The following MTMR8 variants were observed in gnomAD, a reference collection of about 807,000 sequenced individuals.
The protein encoded by MTMR8 is phosphatidylinositol-3,5-bisphosphate 3-phosphatase MTMR8.
MTMR8 carries 65 observed loss-of-function variants against 39.3 expected under a neutral mutation model. That is an observed-to-expected ratio of 1.65 (90% CI 1.35 to 2.03). The LOEUF is 2.03. Among genes scored for constraint, MTMR8 ranks in the 30% most tolerant of loss-of-function variants. MTMR8 has a pLI of 0.00. For synonymous variants in MTMR8, 245 were observed against 185.2 expected (o/e 1.32, Z -2.62); for missense variants, 777 against 538.9 (o/e 1.44, Z -4.37).
At position 64,343,640 on chromosome X, in the gene MTMR8, T is replaced by G. The variant is rs1321711366; in HGVS notation, c.946A>C (p.Ile316Leu). ...GTAATGAAAATTCCAGCATCCATAA[T>G]AGCTTTAATGTGTCTTAACCACCCT... ...SSGWLRHIKA[I>L]MDAGIFITKA... The change falls in exon 8 of 14, where the codon ATT (isoleucine) becomes CTT (leucine). Residue 316 changes from isoleucine to leucine, a missense_variant. Transcript: ENST00000374852. 2.5e-6 allele frequency: 3 copies of G among 1,204,460 alleles called. No individual in the cohort carries two copies. The South Asian group carries it at 5.3e-5, about 21-fold the overall frequency.
At chrX:64,337,434 T>G (rs1923108371) in intron 8 of MTMR8, 41 bp from the exon 9 acceptor site, 31 of 1,189,913 alleles carry the variant, frequency 2.6e-5, no homozygotes, top group Non-Finnish European at 3.4e-5. Flanking sequence ...AAGCAACCTT[T>G]GCACAGCTTG....
chrX:64,298,711 G>A (rs1301307018), intron 12 of MTMR8, among the ~76,000 whole-genome samples: 1 of 84,339 alleles, frequency 1.2e-5, no homozygotes, highest in East Asian at 3.2e-4. Context: ...TATTGGCTGT[G>A]GGTTTGTCAT....
At chrX:64,292,618 A>G (rs903569881) in intron 12 of MTMR8, among the ~76,000 whole-genome samples, 24 of 110,954 alleles carry the variant, frequency 2.2e-4, no homozygotes, top group African/African-American at 7.2e-4. Context: ...CCACTGGCAA[A>G]GTCATAAAGA....
chrX:64,334,354 A>G (rs920136316), intron 10 of MTMR8, among the ~76,000 whole-genome samples: 1 of 109,688 alleles, frequency 9.1e-6, no homozygotes, highest in Non-Finnish European at 1.9e-5. Context: ...CTACTTCCTG[A>G]ATACCCTTGT....
intron 1 of MTMR8, among the ~76,000 whole-genome samples, chrX:64,393,861 T>C (rs760288755): frequency 2.7e-5 from 3 of 112,254 alleles, no homozygotes; most frequent in Non-Finnish European, 5.6e-5. Flanking sequence ...GGGCAAAACA[T>C]TACTAGTTAC....
intron 12 of MTMR8, among the ~76,000 whole-genome samples, chrX:64,279,353 T>C (rs1402265917): frequency 8.9e-6 from 1 of 112,142 alleles, no homozygotes; most frequent in East Asian, 2.8e-4. Context: ...ATACTCAATG[T>C]TGAAAGACTG....
intron 12 of MTMR8, chrX:64,306,311 G>A (rs778131174): frequency 6.7e-6 from 2 of 296,826 alleles, no homozygotes; most frequent in Non-Finnish European, 1.3e-5. Context: ...CTTGTTCAGA[G>A]GTTCTAGATG....
At chrX:64,313,880 C>G (rs1922385951) in intron 12 of MTMR8, among the ~76,000 whole-genome samples, 1 of 112,630 alleles carries the variant, frequency 8.9e-6, no homozygotes, top group South Asian at 3.6e-4. Context: ...TTCAAGCTGT[C>G]ATAGTTCTTG....
chrX:64,312,288 G>A (rs1018515479), intron 12 of MTMR8, among the ~76,000 whole-genome samples: 4 of 111,795 alleles, frequency 3.6e-5, no homozygotes, highest in African/African-American at 1.3e-4. Context: ...ATTCACTCAT[G>A]ATTTGGCTCT....
intron 1 of MTMR8, among the ~76,000 whole-genome samples, chrX:64,365,812 T>C (rs894254560): frequency 1.8e-5 from 2 of 111,507 alleles, no homozygotes; most frequent in African/African-American, 6.5e-5. Context: ...AGACACAGAC[T>C]GGCAAATTGG....
chrX:64,377,914 C>T (rs375111982), intron 1 of MTMR8, among the ~76,000 whole-genome samples: 2 of 111,833 alleles, frequency 1.8e-5, no homozygotes, highest in East Asian at 5.7e-4. Context: ...TTCCCCCTTG[C>T]TGTTCTCATG....
chrX:64,268,551 A>G lies in MTMR8; in HGVS notation c.2101T>C (p.Ser701Pro). 8.3e-7 allele frequency: 1 copy of G among 1,205,815 alleles called. No homozygotes were observed. The highest frequency in any genetic ancestry group is 1.1e-6 in the Non-Finnish European group (1 of 893,103). ...SKASTKEADY[S>P]KHQ ...GAGTAACTAACTCACTGATGCTTGG[A>G]GTAGTCTGCCTCCTTGGTGCTGGCC... Residue 701 changes from serine to proline, a missense_variant, in exon 14 of 14, where the codon TCC (serine) becomes CCC (proline). Coordinates refer to ENST00000374852, the MANE Select transcript of MTMR8 (RefSeq NM_017677.4).
intron 1 of MTMR8, among the ~76,000 whole-genome samples, chrX:64,377,117 A>T (rs1428950384): frequency 8.9e-6 from 1 of 112,583 alleles, no homozygotes; most frequent in South Asian, 3.7e-4. Flanking sequence ...ATGTAGGGAG[A>T]TGCCTGGATG....
At chrX:64,287,202 C>T (rs1396286740) in intron 12 of MTMR8, among the ~76,000 whole-genome samples, 1 of 111,428 alleles carries the variant, frequency 9.0e-6, no homozygotes, top group Non-Finnish European at 1.9e-5. Context: ...CATGAGTGAA[C>T]TCCCATTCAC....
chrX:64,319,920 G>GTT (rs982531203), intron 12 of MTMR8, among the ~76,000 whole-genome samples: 1 of 111,434 alleles, frequency 9.0e-6, no homozygotes, highest in East Asian at 2.8e-4. Flanking sequence ...CTTTAAAGTA[G>GTT]TTTTTTCCAA....
intron 12 of MTMR8, among the ~76,000 whole-genome samples, chrX:64,289,873 G>A (rs1188420822): frequency 9.1e-6 from 1 of 110,495 alleles, no homozygotes; most frequent in Admixed American, 9.7e-5. Context: ...GGGACACTAC[G>A]CTAAGTAAAA....
At chrX:64,359,200 A>G (rs1231991727) in intron 2 of MTMR8, among the ~76,000 whole-genome samples, 1 of 111,355 alleles carries the variant, frequency 9.0e-6, no homozygotes, top group African/African-American at 3.3e-5. Flanking sequence ...TGTAGAATAA[A>G]ATGACTATGA....
intron 12 of MTMR8, among the ~76,000 whole-genome samples, chrX:64,299,788 C>T (rs1921774968): frequency 9.9e-6 from 1 of 100,510 alleles, no homozygotes; most frequent in African/African-American, 3.6e-5. Context: ...TGTCTTTGTT[C>T]TCGTTGGTTT....
At chrX:64,278,127 TCTAA>T (rs1292348866) in intron 12 of MTMR8, among the ~76,000 whole-genome samples, 2 of 109,786 alleles carry the variant, frequency 1.8e-5, no homozygotes, top group South Asian at 4.0e-4. Flanking sequence ...TAGCAATTCC[TCTAA>T]CTTTTTTTCA....
Sources: allele counts gnomAD v4.1 joint callset (sites outside exome capture counted in the v4.1 genomes callset), GRCh38; gene constraint gnomAD v4.1.1; transcripts MANE v1.5; gene names NCBI Gene and HGNC (gene_info 2026-07-23, HGNC 2026-07-21).